Variants in COLEC10 observed in about 807,000 individuals in gnomAD.
COLEC10 encodes the protein collectin subfamily member 10.
A neutral mutation model predicts 28.4 loss-of-function variants in COLEC10; 22 were observed. The observed-to-expected ratio is 0.78, with a 90% CI of 0.55 to 1.11. The LOEUF is 1.11. Ranked by LOEUF, COLEC10 falls within the 50% of genes least tolerant of loss-of-function variation. The pLI is 0.00. For missense variants in COLEC10, 361 were observed against 344.1 expected, an observed-to-expected ratio of 1.05 and a Z score of -0.39; for synonymous variants, 125 against 116.1, an observed-to-expected ratio of 1.08 and a Z score of -0.49.
intron 2 of COLEC10, among the ~76,000 whole-genome samples, chr8:119,036,264 C>A (rs898873186): frequency 9.2e-5 from 14 of 152,182 alleles, no homozygotes; most frequent in African/African-American, 3.1e-4. Flanking sequence ...TTCTTTTACA[C>A]AAACAGGTAC....
intron 2 of COLEC10, among the ~76,000 whole-genome samples, chr8:119,015,656 T>C (rs944382935): frequency 6.6e-6 from 1 of 152,204 alleles, no homozygotes; most frequent in Non-Finnish European, 1.5e-5. Flanking sequence ...GAATTTAGCA[T>C]TTTCTACTGT....
chr8:119,043,350 AGAG>A (rs2130159367), intron 2 of COLEC10, among the ~76,000 whole-genome samples: 1 of 152,350 alleles, frequency 6.6e-6, no homozygotes, highest in Admixed American at 6.5e-5. Context: ...GCAGGAAGCC[AGAG>A]AATTTGCCTA....
At chr8:118,956,716 ATACTC>A in the COLEC10 span, among the ~76,000 whole-genome samples, 1 of 152,182 alleles carries the variant, frequency 6.6e-6, no homozygotes, top group South Asian at 2.1e-4. Context: ...GTACTAAAGA[ATACTC>A]TACACCTACT....
At chr8:119,049,032 G>A (rs1814631386) in intron 2 of COLEC10, among the ~76,000 whole-genome samples, 1 of 152,136 alleles carries the variant, frequency 6.6e-6, no homozygotes, top group Non-Finnish European at 1.5e-5. Context: ...TGGTCTTGTT[G>A]AAATGTATTC....
At chr8:118,988,461 T>A in the COLEC10 span, among the ~76,000 whole-genome samples, 1 of 152,068 alleles carries the variant, frequency 6.6e-6, no homozygotes, top group African/African-American at 2.4e-5. Context: ...TTGTTTCACC[T>A]AAGAGGGGAA....
intron 1 of COLEC10, among the ~76,000 whole-genome samples, chr8:119,069,908 A>C (rs1322564449): frequency 6.6e-6 from 1 of 151,918 alleles, no homozygotes; most frequent in African/African-American, 2.4e-5. Context: ...GCACTGCAGC[A>C]CAGTGCTCAG....
intron 1 of COLEC10, among the ~76,000 whole-genome samples, chr8:119,081,824 G>C (rs1815375817): frequency 6.6e-6 from 1 of 152,152 alleles, no homozygotes; most frequent in African/African-American, 2.4e-5. Context: ...GAAACATTTT[G>C]AATTGGATAG....
At chr8:119,020,866 A>C (rs2130106346) in intron 2 of COLEC10, among the ~76,000 whole-genome samples, 1 of 152,260 alleles carries the variant, frequency 6.6e-6, no homozygotes, top group South Asian at 2.1e-4. Context: ...AAATTTATCT[A>C]AAAATGGATT....
chr8:119,064,489 TTAGAATCA>T (rs1241637811), upstream of COLEC10, among the ~76,000 whole-genome samples: 1 of 152,244 alleles, frequency 6.6e-6, no homozygotes, highest in African/African-American at 2.4e-5. Context: ...ATCAATTTTC[TTAGAATCA>T]TAGAATTTAG....
chr8:119,028,871 TA>T (rs1195518490), intron 2 of COLEC10, among the ~76,000 whole-genome samples: 16 of 152,332 alleles, frequency 1.1e-4, no homozygotes, highest in African/African-American at 3.6e-4. Flanking sequence ...TAATTAATGG[TA>T]TTTGTTCATT....
chr8:119,072,029 G>A (rs1815134470), intron 1 of COLEC10, among the ~76,000 whole-genome samples: 3 of 152,130 alleles, frequency 2.0e-5, no homozygotes, highest in South Asian at 4.1e-4. Context: ...AATTACAACA[G>A]TGCCTCTGCT....
chr8:118,973,622 A>G, the COLEC10 span, among the ~76,000 whole-genome samples: 2 of 152,024 alleles, frequency 1.3e-5, no homozygotes, highest in African/African-American at 4.8e-5. Flanking sequence ...GCGACATCCC[A>G]TTACATTTAC....
intron 2 of COLEC10, among the ~76,000 whole-genome samples, chr8:119,011,080 A>G (rs1813893849): frequency 6.6e-6 from 1 of 150,978 alleles, no homozygotes; most frequent in Admixed American, 6.6e-5. Flanking sequence ...ACCTGAAGTC[A>G]TCTAGATTTT....
chr8:119,040,120 C>T (rs753575520), intron 2 of COLEC10, among the ~76,000 whole-genome samples: 1 of 152,046 alleles, frequency 6.6e-6, no homozygotes, highest in Non-Finnish European at 1.5e-5. Context: ...TATCTCTAGC[C>T]CAATTAGTAC....
intron 2 of COLEC10, among the ~76,000 whole-genome samples, chr8:119,036,443 CAG>C (rs1814390328): frequency 1.3e-5 from 2 of 152,042 alleles, no homozygotes; most frequent in Admixed American, 6.5e-5. Flanking sequence ...TTGTAAGAAA[CAG>C]TGTAAATTAT....
At chr8:118,992,147 G>T (rs532817351), upstream of COLEC10, among the ~76,000 whole-genome samples, 17 of 152,176 alleles carry the variant, frequency 1.1e-4, no homozygotes, top group African/African-American at 3.6e-4. Context: ...AGTAAATGAG[G>T]AAATACATGT....
the COLEC10 span, among the ~76,000 whole-genome samples, chr8:118,961,524 C>G: frequency 2.6e-5 from 4 of 152,282 alleles, no homozygotes; most frequent in East Asian, 1.9e-4. Flanking sequence ...AACTGGTCAA[C>G]AACACTAAGG....
the COLEC10 span, among the ~76,000 whole-genome samples, chr8:118,969,893 A>T: frequency 1.3e-5 from 2 of 151,962 alleles, no homozygotes; most frequent in African/African-American, 4.8e-5. Flanking sequence ...TTTATTCCAC[A>T]GAAATAATTG....
At chr8:119,024,253 C>T (rs932712675) in intron 2 of COLEC10, among the ~76,000 whole-genome samples, 8 of 151,972 alleles carry the variant, frequency 5.3e-5, no homozygotes, top group Non-Finnish European at 1.2e-4. Context: ...TTCCTTGAGG[C>T]CTTCGCTCTT....
Sources: gnomAD v4.1 joint callset for allele counts (sites outside exome capture counted in the v4.1 genomes callset) on GRCh38, gnomAD v4.1.1 for gene constraint, MANE v1.5 for transcripts, NCBI Gene and HGNC (gene_info 2026-07-23, HGNC 2026-07-21) for gene names.